The following HEATR4 variants were observed in gnomAD, a reference collection of about 807,000 sequenced individuals.
The protein encoded by HEATR4 is HEAT repeat-containing protein 4.
In HEATR4, 95 loss-of-function variants were observed where a neutral mutation model predicts 108.8. The ratio of observed to expected loss-of-function variants is 0.87; its 90% confidence interval spans 0.74 to 1.04. HEATR4 has a LOEUF of 1.04. Among genes scored for constraint, HEATR4 ranks in the 50% least tolerant of loss-of-function variants. The pLI, the probability that HEATR4 is intolerant of heterozygous loss-of-function variation, is 0.00. For missense variants in HEATR4, 1,152 were observed against 1,253.8 expected (o/e 0.92, Z 1.23); for synonymous variants, 443 against 459.4 (o/e 0.96, Z 0.46).
chr14:73,526,160 G>C (rs760998979), intron 2 of HEATR4, among the ~76,000 whole-genome samples: 1 of 152,138 alleles, frequency 6.6e-6, no homozygotes, highest in Non-Finnish European at 1.5e-5. Context: ...GTGGGATTTT[G>C]CATTGGAACT....
At chr14:73,559,294 C>T (rs1889467599), upstream of HEATR4, among the ~76,000 whole-genome samples, 1 of 151,596 alleles carries the variant, frequency 6.6e-6, no homozygotes, top group African/African-American at 2.4e-5. Flanking sequence ...ACTAATTGTA[C>T]TTTTAGTAGA....
At chr14:73,566,007 T>C in the HEATR4 span, among the ~76,000 whole-genome samples, 1 of 151,936 alleles carries the variant, frequency 6.6e-6, no homozygotes, top group Non-Finnish European at 1.5e-5. Context: ...ATTCCTCAGC[T>C]AGACACAAAA....
intron 5 of HEATR4, among the ~76,000 whole-genome samples, chr14:73,517,810 T>C (rs1887708014): frequency 1.3e-5 from 2 of 151,526 alleles, no homozygotes; most frequent in Admixed American, 1.3e-4. Context: ...AAAAAGAGGC[T>C]GGACACGGTG....
chr14:73,551,626 G>C (rs1566853522), intron 1 of HEATR4, among the ~76,000 whole-genome samples: 1 of 111,964 alleles, frequency 8.9e-6, no homozygotes, highest in Non-Finnish European at 1.9e-5. Context: ...TGACCAACAT[G>C]GTGAAACACC....
chr14:73,502,777 G>A, intron 11 of HEATR4, 118 bp downstream of exon 11: 1 of 739,064 alleles, frequency 1.4e-6, no homozygotes, highest in Non-Finnish European at 2.4e-6. Flanking sequence ...TCGATCTCCT[G>A]ACCTCGTGAT....
chr14:73,489,863 G>A (rs1338279511), intron 17 of HEATR4, among the ~76,000 whole-genome samples: 1 of 152,214 alleles, frequency 6.6e-6, no homozygotes, highest in Admixed American at 6.5e-5. Context: ...GGAGAAAAGA[G>A]GGAGAGAAGT....
the HEATR4 span, among the ~76,000 whole-genome samples, chr14:73,579,126 T>C: frequency 1.4e-5 from 2 of 146,306 alleles, no homozygotes; most frequent in Non-Finnish European, 3.0e-5. Flanking sequence ...TATGGTGGCA[T>C]GCGCCTGTAA....
In HEATR4 at chr14:73,478,593, A is replaced by G. The variant is rs1885105224; in HGVS notation, c.*13T>C. 2 of 1,562,078 alleles carry G rather than the reference A, an allele frequency of 1.3e-6. No individual in the cohort carries two copies. Among genetic ancestry groups the G allele is most frequent in the African/African-American group, 1.4e-5 (1 of 73,678 alleles). On this transcript the variant is annotated 3_prime_UTR_variant, in exon 18 of 18. Coordinates refer to ENST00000553558, the MANE Select transcript of HEATR4 (RefSeq NM_001220484.1). Reference sequence around the variant, plus strand: ...ACTGCTTCCTGCATCTTGAAGTAAGACAAGTGTTCAGCTTAGAGATGAGCA... The same window carrying G: ...ACTGCTTCCTGCATCTTGAAGTAAGGCAAGTGTTCAGCTTAGAGATGAGCA...
At chr14:73,612,057 T>A in the HEATR4 span, among the ~76,000 whole-genome samples, 1 of 152,122 alleles carries the variant, frequency 6.6e-6, no homozygotes, top group Non-Finnish European at 1.5e-5. Context: ...TTTTTTTTTT[T>A]TTAGACGGAG....
At chr14:73,622,690 C>T in the HEATR4 span, among the ~76,000 whole-genome samples, 16 of 152,026 alleles carry the variant, frequency 1.1e-4, no homozygotes, top group Admixed American at 6.6e-4. Context: ...TGAGCCACCG[C>T]GCCTGGCTTG....
In HEATR4 at chr14:73,502,638, C is replaced by A. The variant is rs187705000; in HGVS notation, c.2105+257G>T. Among the ~76,000 whole-genome samples the A allele has an allele frequency of 4.7e-3, 721 of 152,228 alleles. 9 individuals are homozygous for A. Among genetic ancestry groups the A allele is most frequent in the African/African-American group, 0.017 (688 of 41,540 alleles). The stretch of plus-strand genomic sequence containing the variant: ...TCTCTGCTCACTGCAACCTCCGCCT[C>A]CCAGGTTCAAGCGATTCTCCTGTCT... On this transcript the variant is annotated intron_variant, in intron 11 of 17. Transcript: ENST00000553558.
chr14:73,509,302 AG>A lies in HEATR4; in HGVS notation c.1720+9del. The A allele has an allele frequency of 1.2e-6, 2 of 1,611,526 alleles. No homozygotes were observed. The highest frequency in any genetic ancestry group is 4.5e-5 in the East Asian group (2 of 44,872). On this transcript the variant is annotated intron_variant, in intron 8 of 17. Transcript: ENST00000553558. ...TATTTCCAGGTCAGAAGTAACAGGG[AG>A]TTACTCACCCTTCAGAAGGGCAGTC...
At chr14:73,633,281 A>G in the HEATR4 span, among the ~76,000 whole-genome samples, 1 of 152,274 alleles carries the variant, frequency 6.6e-6, no homozygotes, top group South Asian at 2.1e-4. Flanking sequence ...CTGGGATTAC[A>G]GGCGTGAGCC....
chr14:73,589,873 G>A, the HEATR4 span, among the ~76,000 whole-genome samples: 4 of 152,144 alleles, frequency 2.6e-5, no homozygotes, highest in African/African-American at 9.7e-5. Context: ...TGGCTCAGAA[G>A]TGAAGCTGCA....
chr14:73,505,350 A>T (rs760895847), intron 10 of HEATR4, among the ~76,000 whole-genome samples: 6 of 151,854 alleles, frequency 4.0e-5, no homozygotes, highest in Non-Finnish European at 8.8e-5. Context: ...TTCCTACCAT[A>T]GTGTTAATTT....
chr14:73,519,592 A>C (rs1887848609), intron 4 of HEATR4, among the ~76,000 whole-genome samples: 2 of 152,132 alleles, frequency 1.3e-5, no homozygotes, highest in South Asian at 4.1e-4. Context: ...AAAAAATACA[A>C]AAATTAGCTG....
chr14:73,625,383 C>T, the HEATR4 span, among the ~76,000 whole-genome samples: 2 of 147,704 alleles, frequency 1.4e-5, no homozygotes, highest in East Asian at 2.0e-4. Flanking sequence ...ATTTTTTAGA[C>T]AGAGTTTCAC....
At chr14:73,504,173 G>C (rs1338469224) in intron 10 of HEATR4, among the ~76,000 whole-genome samples, 1 of 151,222 alleles carries the variant, frequency 6.6e-6, no homozygotes. Flanking sequence ...CGCCTCCTGG[G>C]TTCAAGTGAC....
intron 2 of HEATR4, among the ~76,000 whole-genome samples, chr14:73,526,507 G>A (rs543674161): frequency 6.6e-6 from 1 of 151,674 alleles, no homozygotes; most frequent in South Asian, 2.1e-4. Context: ...CTCCAGACAG[G>A]GCAGCTCAGG....
Sources: gnomAD v4.1 joint callset for allele counts (sites outside exome capture counted in the v4.1 genomes callset) on GRCh38, gnomAD v4.1.1 for gene constraint, MANE v1.5 for transcripts, NCBI Gene and HGNC (gene_info 2026-07-23, HGNC 2026-07-21) for gene names.